MTMR2: variants seen among roughly 807,000 people sequenced by gnomAD.
The protein encoded by MTMR2 is phosphatidylinositol-3,5-bisphosphate 3-phosphatase MTMR2.
A neutral mutation model predicts 86.9 loss-of-function variants in MTMR2; 55 were observed. The observed-to-expected ratio is 0.63, with a 90% CI of 0.51 to 0.79. MTMR2 has a LOEUF of 0.79. MTMR2 is among the 30% of genes least tolerant of loss of function. The pLI is 0.00. For missense variants in MTMR2, 659 were observed against 772.3 expected (o/e 0.85, Z 1.74); for synonymous variants, 241 against 266.8 (o/e 0.90, Z 0.94).
chr11:95,833,598 G>C lies in MTMR2; in HGVS notation c.*1692C>G, dbSNP rs1863121286. The C allele has an allele frequency of 2.0e-5, 3 of 152,082 alleles. No homozygotes were observed. Among genetic ancestry groups the C allele is most frequent in the Admixed American group, 6.6e-5 (1 of 15,258 alleles). 9.4% of individuals were successfully genotyped at this position (152,082 alleles called of 1,614,324 possible). ...TTTCCCTGGCTTTTGATTTGAATTT[G>C]AAGTGGATGCAAGTATGTTAAGACT... On this transcript the variant is annotated 3_prime_UTR_variant, in exon 15 of 15. Coordinates refer to ENST00000346299, the MANE Select transcript of MTMR2 (RefSeq NM_016156.6).
chr11:95,840,221 G>T lies in MTMR2; in HGVS notation c.1479+1396C>A, dbSNP rs149854798. On this transcript the variant is annotated intron_variant, in intron 12 of 14. Coordinates refer to ENST00000346299, the MANE Select transcript of MTMR2 (RefSeq NM_016156.6). ...ATTCAAACACATCGTTTCCTTCAAG[G>T]TATTCACCTTGGAAAGCAGTACACA... 5.3e-5 allele frequency: 8 copies of T among 152,130 alleles called. No individual in the cohort carries two copies. In the East Asian group the frequency reaches 1.4e-3, roughly 26 times the overall value. The allele number at this position is 152,130 out of a possible 1,614,324, so 9.4% of individuals were successfully genotyped here.
intron 2 of MTMR2, among the ~76,000 whole-genome samples, chr11:95,874,124 A>G (rs1236225668): frequency 1.3e-5 from 2 of 152,162 alleles, no homozygotes; most frequent in African/African-American, 4.8e-5. Flanking sequence ...CTTGGTGCAG[A>G]GCTGAGTTCA....
At position 95,836,253 on chromosome 11, in the gene MTMR2, G is replaced by A; in HGVS notation, c.1665C>T (p.Leu555=). The A allele has an allele frequency of 6.2e-7, 1 of 1,613,016 alleles. No individual in the cohort carries two copies. The highest frequency in any genetic ancestry group is 2.2e-5 in the East Asian group (1 of 44,854). Residue 555 remains leucine (L), a synonymous_variant, in exon 14 of 15, where the codon CTC becomes CTT. Coordinates refer to ENST00000346299, the MANE Select transcript of MTMR2 (RefSeq NM_016156.6). ...NSQLEDFTNP[L]YGSYSNHVLY... is the part of the protein sequence containing the mutation. ...GGACATGATTGGAATAGCTCCCATA[G>A]AGAGGATTAGTGAAGTCTTCCAGCT...
intron 2 of MTMR2, among the ~76,000 whole-genome samples, chr11:95,878,907 A>G (rs921546463): frequency 6.6e-6 from 1 of 152,158 alleles, no homozygotes; most frequent in Non-Finnish European, 1.5e-5. Flanking sequence ...CAGTTTATGT[A>G]CTGTTTTTAG....
At chr11:95,840,555 C>A (rs769185899) in intron 12 of MTMR2, among the ~76,000 whole-genome samples, 1 of 152,164 alleles carries the variant, frequency 6.6e-6, no homozygotes, top group Non-Finnish European at 1.5e-5. Flanking sequence ...GAATTGTATA[C>A]ACCTTTTCAG....
intron 1 of MTMR2, among the ~76,000 whole-genome samples, chr11:95,919,182 T>A (rs1460597247): frequency 6.6e-6 from 1 of 152,154 alleles, no homozygotes; most frequent in Non-Finnish European, 1.5e-5. Flanking sequence ...AAACTAAAGA[T>A]GAGACCTTGC....
chr11:95,924,081 G>T lies in MTMR2; in HGVS notation c.-127C>A. On this transcript the variant is annotated 5_prime_UTR_variant, in exon 1 of 15. Transcript: ENST00000346299. ...CCAGCGCCGGCCCGGGAGGGAGACC[G>T]GAAGCGGCCATGTTCCCCCAGAGTG... is the stretch of plus-strand genomic sequence containing the variant. 2 of 1,267,504 alleles carry T rather than the reference G, an allele frequency of 1.6e-6. No individual in the cohort carries two copies. The highest frequency in any genetic ancestry group is 1.5e-5 in the African/African-American group (1 of 68,086). 78.5% of individuals were successfully genotyped at this position (1,267,504 alleles called of 1,614,324 possible).
intron 3 of MTMR2, 173 bp downstream of exon 3, chr11:95,865,428 G>A (rs1864574967): frequency 1.5e-6 from 1 of 683,556 alleles, no homozygotes; most frequent in Non-Finnish European, 2.6e-6. Flanking sequence ...CTAGCAGCGG[G>A]TCTAGGCTTA....
At chr11:95,882,807 C>T (rs1210886370) in intron 2 of MTMR2, among the ~76,000 whole-genome samples, 1 of 149,670 alleles carries the variant, frequency 6.7e-6, no homozygotes, top group South Asian at 2.1e-4. Flanking sequence ...ACTGCCAGCT[C>T]CGCCTCCCGG....
intron 12 of MTMR2, chr11:95,839,877 A>G (rs184308590): frequency 6.6e-6 from 1 of 152,336 alleles, no homozygotes; most frequent in East Asian, 1.9e-4. Context: ...AAAGATGGCT[A>G]CAAAGTATTT....
chr11:95,847,942 C>T (rs765030615), intron 9 of MTMR2, 43 bp from the exon 10 acceptor site: 14 of 1,520,436 alleles, frequency 9.2e-6, no homozygotes, highest in Non-Finnish European at 1.3e-5. Context: ...AATGAATGCA[C>T]ATCTGTAAAC....
intron 2 of MTMR2, among the ~76,000 whole-genome samples, chr11:95,866,655 C>T (rs570616281): frequency 3.4e-5 from 5 of 148,564 alleles, no homozygotes; most frequent in Non-Finnish European, 5.9e-5. Context: ...TCAGAAAAGT[C>T]GTCTTTAAAG....
chr11:95,855,016 C>T (rs1016808036), intron 7 of MTMR2, among the ~76,000 whole-genome samples: 1 of 151,716 alleles, frequency 6.6e-6, no homozygotes, highest in Non-Finnish European at 1.5e-5. Context: ...CACCATGTTG[C>T]CCAGGCTTGT....
intron 9 of MTMR2, among the ~76,000 whole-genome samples, chr11:95,849,210 A>G (rs912086443): frequency 9.9e-5 from 15 of 152,072 alleles, no homozygotes; most frequent in Non-Finnish European, 1.8e-4. Context: ...CTAACTGCCA[A>G]TTCTTCAGTC....
rs112404010 is a variant in MTMR2, at chr11:95,833,276, A to G, written c.*2014T>C. 6.6e-6 allele frequency: 1 copy of G among 152,108 alleles called. No homozygotes were observed. The highest frequency in any genetic ancestry group is 1.5e-5 in the Non-Finnish European group (1 of 68,006). 9.4% of individuals were successfully genotyped at this position (152,108 alleles called of 1,614,324 possible). On this transcript the variant is annotated 3_prime_UTR_variant, in exon 15 of 15. Coordinates refer to ENST00000346299, the MANE Select transcript of MTMR2 (RefSeq NM_016156.6). Reference sequence around the variant, plus strand: ...GGTCGAAGGAGGCTAAGGAGCTTCAACTTAATCATACTGGTCTCTAAATTT... The same window carrying G: ...GGTCGAAGGAGGCTAAGGAGCTTCAGCTTAATCATACTGGTCTCTAAATTT...
intron 2 of MTMR2, chr11:95,866,512 T>C (rs1321621155): frequency 1.3e-5 from 2 of 152,042 alleles, no homozygotes; most frequent in South Asian, 2.1e-4. Flanking sequence ...TAACTTATTT[T>C]CAATAAATTT....
At chr11:95,902,897 A>G (rs571513498) in intron 1 of MTMR2, among the ~76,000 whole-genome samples, 42 of 152,286 alleles carry the variant, frequency 2.8e-4, no homozygotes, top group African/African-American at 1.0e-3. Context: ...CCATCAGACT[A>G]CAGCATGTAC....
In MTMR2 at chr11:95,915,975, C is replaced by G. The variant is rs897576429; in HGVS notation, c.80+7900G>C. ...AGGATTATAAAAATCTGACCCAAGA[C>G]AAGACACAAAAAAATAGAAAGCTAA... On this transcript the variant is annotated intron_variant, in intron 1 of 14. Coordinates refer to ENST00000346299, the MANE Select transcript of MTMR2 (RefSeq NM_016156.6). Among the ~76,000 whole-genome samples the G allele has an allele frequency of 4.3e-4, 65 of 152,058 alleles. 1 individual carries two copies. Among genetic ancestry groups the G allele is most frequent in the Non-Finnish European group, 4.4e-5 (3 of 67,982 alleles).
At chr11:95,908,991 C>T (rs1866397693) in intron 1 of MTMR2, among the ~76,000 whole-genome samples, 1 of 152,116 alleles carries the variant, frequency 6.6e-6, no homozygotes, top group African/African-American at 2.4e-5. Flanking sequence ...ATAGTCCTGC[C>T]ACCATCTCAG....
Sources: gnomAD v4.1 joint callset for allele counts (sites outside exome capture counted in the v4.1 genomes callset) on GRCh38, gnomAD v4.1.1 for gene constraint, MANE v1.5 for transcripts, NCBI Gene and HGNC (gene_info 2026-07-23, HGNC 2026-07-21) for gene names.